The following GLCCI1 variants were observed in gnomAD, a reference collection of about 807,000 sequenced individuals.
The protein encoded by GLCCI1 is glucocorticoid induced 1.
Under a neutral mutation model 52.2 loss-of-function variants are expected in GLCCI1, and 24 were observed. The observed-to-expected ratio is 0.46, with a 90% CI of 0.33 to 0.65. The LOEUF is 0.65. Ranked by LOEUF, GLCCI1 falls within the 30% of genes least tolerant of loss-of-function variation. The probability of loss-of-function intolerance (pLI) is 0.02; values close to 1 mark genes in which losing one functional copy is unlikely to be tolerated. For missense variants in GLCCI1, 704 were observed against 701.5 expected, an observed-to-expected ratio of 1.00 and a Z score of -0.04; for synonymous variants, 310 against 276.5, an observed-to-expected ratio of 1.12 and a Z score of -1.20.
chr7:8,030,901 ATG>A (rs1781733248), intron 3 of GLCCI1, among the ~76,000 whole-genome samples: 1 of 152,110 alleles, frequency 6.6e-6, no homozygotes, highest in Admixed American at 6.6e-5. Flanking sequence ...GCTATTGAGA[ATG>A]TGGAGAAATG....
chr7:8,041,274 G>A (rs893405418), intron 3 of GLCCI1, among the ~76,000 whole-genome samples: 1 of 152,194 alleles, frequency 6.6e-6, no homozygotes, highest in Admixed American at 6.5e-5. Flanking sequence ...TCAATTCTGT[G>A]ACAGCTGAGA....
Position 8,040,953 on chromosome 7 carries a change from G to C in GLCCI1, c.697-14480G>C, listed in dbSNP as rs1357590634. Among the ~76,000 whole-genome samples the C allele has an allele frequency of 3.9e-5, 6 of 152,226 alleles. No individual in the cohort carries two copies. In the East Asian group the frequency reaches 1.2e-3, roughly 29 times the overall value. On this transcript the variant is annotated intron_variant, in intron 3 of 7. Coordinates refer to ENST00000223145, the MANE Select transcript of GLCCI1 (RefSeq NM_138426.4). The stretch of plus-strand genomic sequence containing the variant: ...ACAGTGACCTCTTAAGTGTTCAAAT[G>C]AATGAGAGAGTCATACCTCTCTCAC...
At chr7:8,070,583 C>CA (rs1204787874) in intron 5 of GLCCI1, 1 of 168,720 alleles carries the variant, frequency 5.9e-6, no homozygotes, top group Non-Finnish European at 1.3e-5. Flanking sequence ...TTAATTCTTT[C>CA]AGCAAATGTT....
chr7:8,003,844 A>C (rs1163571151), intron 1 of GLCCI1, 64 bp from the exon 2 acceptor site: 8 of 1,419,288 alleles, frequency 5.6e-6, no homozygotes, highest in Non-Finnish European at 7.7e-6. Flanking sequence ...CAAACTATGA[A>C]GTTAGATAAC....
chr7:8,007,379 T>G (rs747946739), intron 2 of GLCCI1, among the ~76,000 whole-genome samples: 11 of 152,308 alleles, frequency 7.2e-5, no homozygotes, highest in Admixed American at 7.2e-4. Context: ...GTAGTACGTA[T>G]TAAGCGTGAG....
At chr7:8,078,400 T>A (rs1387163595) in intron 6 of GLCCI1, among the ~76,000 whole-genome samples, 1 of 152,074 alleles carries the variant, frequency 6.6e-6, no homozygotes, top group Non-Finnish European at 1.5e-5. Context: ...ATGTTAATAG[T>A]CTAGTCTTGT....
intron 1 of GLCCI1, among the ~76,000 whole-genome samples, chr7:7,986,272 G>A (rs1217665465): frequency 6.6e-6 from 1 of 151,994 alleles, no homozygotes; most frequent in Non-Finnish European, 1.5e-5. Flanking sequence ...CAGCACTCTG[G>A]GAGGCTGAGG....
At chr7:7,970,777 A>G (rs908442410) in intron 1 of GLCCI1, among the ~76,000 whole-genome samples, 2 of 152,194 alleles carry the variant, frequency 1.3e-5, no homozygotes, top group Non-Finnish European at 2.9e-5. Flanking sequence ...TAAAGCTCAT[A>G]AGGGAGAGTG....
chr7:7,969,665 C>G lies in GLCCI1; in HGVS notation c.315C>G (p.Ser105Arg). 9.4e-7 allele frequency: 1 copy of G among 1,061,164 alleles called. No homozygotes were observed. Among genetic ancestry groups the G allele is most frequent in the Non-Finnish European group, 1.1e-6 (1 of 881,478 alleles). 65.7% of individuals were successfully genotyped at this position (1,061,164 alleles called of 1,614,324 possible). A position where few individuals can be genotyped will look rare whatever the true frequency, so the allele number is the denominator to read the frequency against. ...LPGPGAARGP[S>R]PSSPTPPAAA... ...GGCCCGGCGCGGCCCGCGGCCCCAG[C>G]CCGTCCAGCCCGACGCCGCCGGCGG... The change falls in exon 1 of 8, where the codon AGC (serine) becomes AGG (arginine). Residue 105 changes from serine to arginine, a missense_variant. Around this residue, in one of 3 missense-constraint regions of GLCCI1, gnomAD observed 547 missense variants for 524.8 expected, o/e 1.04. Transcript: ENST00000223145. The surrounding 1 kb of genome is among the most constrained non-coding windows in gnomAD (Gnocchi z 4.9).
chr7:7,997,551 A>G (rs1562421568), intron 1 of GLCCI1, among the ~76,000 whole-genome samples: 2 of 152,196 alleles, frequency 1.3e-5, no homozygotes, highest in Non-Finnish European at 2.9e-5. Context: ...TTTGATTTCA[A>G]TGAAGATTGA....
intron 1 of GLCCI1, among the ~76,000 whole-genome samples, chr7:7,971,051 A>G (rs1583933686): frequency 1.3e-5 from 2 of 152,172 alleles, no homozygotes; most frequent in East Asian, 3.8e-4. Flanking sequence ...ACCCGTAATT[A>G]GCATGTTGCT....
At chr7:8,054,168 C>G (rs1414858511) in intron 3 of GLCCI1, among the ~76,000 whole-genome samples, 1 of 152,016 alleles carries the variant, frequency 6.6e-6, no homozygotes, top group Non-Finnish European at 1.5e-5. Flanking sequence ...ATGAATTGTA[C>G]AATTTGAAAT....
intron 1 of GLCCI1, among the ~76,000 whole-genome samples, chr7:7,999,242 T>C (rs545363487): frequency 6.6e-6 from 1 of 151,986 alleles, no homozygotes; most frequent in Non-Finnish European, 1.5e-5. Context: ...TAAGTAAAAG[T>C]ATAGATTAGA....
intron 5 of GLCCI1, among the ~76,000 whole-genome samples, chr7:8,067,982 A>G (rs1252649262): frequency 1.6e-4 from 24 of 152,104 alleles, no homozygotes; most frequent in Admixed American, 1.6e-3. Context: ...ATTTTTAGGG[A>G]TGCCAGTGCA....
At chr7:7,984,075 T>A (rs1780674790) in intron 1 of GLCCI1, among the ~76,000 whole-genome samples, 1 of 152,212 alleles carries the variant, frequency 6.6e-6, no homozygotes, top group African/African-American at 2.4e-5. Flanking sequence ...TTGTTTGTTT[T>A]TTTTGAGACA....
Position 8,088,466 on chromosome 7 carries a change from A to C in GLCCI1, c.*1928A>C, listed in dbSNP as rs1219224709. 1 of 152,596 alleles carries C rather than the reference A, an allele frequency of 6.6e-6. No homozygotes were observed. The highest frequency in any genetic ancestry group is 1.5e-5 in the Non-Finnish European group (1 of 68,030). The allele number at this position is 152,596 out of a possible 1,614,324, so 9.5% of individuals were successfully genotyped here. On this transcript the variant is annotated 3_prime_UTR_variant, in exon 8 of 8. Transcript: ENST00000223145. ...AACCTTTTAAAACAATCTTTTCAGC[A>C]GCAGATACCTTTAACCCTAATAATC...
chr7:8,078,472 A>T (rs1782921970), intron 6 of GLCCI1: 1 of 152,190 alleles, frequency 6.6e-6, no homozygotes, highest in South Asian at 2.1e-4. Context: ...ACCCCTAATA[A>T]AAGTTTATAT....
chr7:8,012,062 G>T (rs918043449), intron 2 of GLCCI1, among the ~76,000 whole-genome samples: 1 of 151,810 alleles, frequency 6.6e-6, no homozygotes, highest in African/African-American at 2.4e-5. Context: ...TGATCCGCTT[G>T]CCTCGGCCTT....
intron 5 of GLCCI1, among the ~76,000 whole-genome samples, chr7:8,066,212 G>GT (rs1782628156): frequency 6.6e-6 from 1 of 152,020 alleles, no homozygotes; most frequent in African/African-American, 2.4e-5. Context: ...GTCTCTGAGG[G>GT]TTTTTTAATA....
Sources: gnomAD v4.1 joint callset for allele counts (sites outside exome capture counted in the v4.1 genomes callset) on GRCh38, gnomAD v4.1.1 for gene constraint, gnomAD v4.1.1 regional missense constraint, Gnocchi (gnomAD v3.1) non-coding constraint, MANE v1.5 for transcripts, NCBI Gene and HGNC (gene_info 2026-07-23, HGNC 2026-07-21) for gene names.